Variants in TENM1 observed in about 807,000 individuals in gnomAD.
TENM1 encodes teneurin-1.
Under a neutral mutation model 174.8 loss-of-function variants are expected in TENM1, and 35 were observed. The observed-to-expected ratio is 0.20, with a 90% CI of 0.15 to 0.27. TENM1 has a LOEUF of 0.27. Among genes scored for constraint, TENM1 ranks in the 10% least tolerant of loss-of-function variants. TENM1 has a pLI of 1.00. For synonymous variants in TENM1, 781 were observed against 798.7 expected, an observed-to-expected ratio of 0.98 and a Z score of 0.37; for missense variants, 1,633 against 2,130.1, an observed-to-expected ratio of 0.77 and a Z score of 4.59.
At chrX:124,820,048 A>G (rs1334141573) in intron 3 of TENM1, among the ~76,000 whole-genome samples, 1 of 110,465 alleles carries the variant, frequency 9.1e-6, no homozygotes, top group Non-Finnish European at 1.9e-5. Context: ...CGGCCTCCCA[A>G]AGCGCTGGGT....
At chrX:125,144,592 C>A in the TENM1 span, among the ~76,000 whole-genome samples, 4 of 111,754 alleles carry the variant, frequency 3.6e-5, no homozygotes, top group African/African-American at 1.3e-4. Flanking sequence ...CCATAATGAA[C>A]CAACCAAGTT....
chrX:124,874,635 T>G (rs1455885118), intron 3 of TENM1, among the ~76,000 whole-genome samples: 1 of 111,040 alleles, frequency 9.0e-6, no homozygotes, highest in East Asian at 2.8e-4. Flanking sequence ...ACTTTAAGGT[T>G]GGAAGAAATT....
intron 27 of TENM1, among the ~76,000 whole-genome samples, chrX:124,403,242 C>T (rs1444915217): frequency 9.0e-6 from 1 of 110,577 alleles, no homozygotes; most frequent in African/African-American, 3.3e-5. Context: ...GAGCACTGGC[C>T]GGGCACGGTG....
intron 22 of TENM1, among the ~76,000 whole-genome samples, chrX:124,478,128 A>C (rs375488821): frequency 9.8e-5 from 11 of 112,497 alleles, no homozygotes; most frequent in African/African-American, 3.2e-4. Context: ...TTCAGTTTAC[A>C]ACTGAAGAAT....
chrX:124,608,788 T>C (rs960748596), intron 11 of TENM1, among the ~76,000 whole-genome samples: 4 of 109,949 alleles, frequency 3.6e-5, no homozygotes, highest in Admixed American at 1.9e-4. Flanking sequence ...AAGCTTTTTT[T>C]TTTTTTTTCA....
chrX:124,438,576 A>G (rs2060869845), intron 23 of TENM1, among the ~76,000 whole-genome samples: 1 of 111,850 alleles, frequency 8.9e-6, no homozygotes, highest in South Asian at 3.7e-4. Flanking sequence ...CTTTGTGTGG[A>G]AAGAGGACAC....
chrX:124,622,636 C>A (rs958877506), intron 11 of TENM1, among the ~76,000 whole-genome samples: 4 of 111,264 alleles, frequency 3.6e-5, no homozygotes, highest in African/African-American at 1.3e-4. Flanking sequence ...TTTTTGATTG[C>A]TATATAATGG....
chrX:125,169,538 T>C, the TENM1 span, among the ~76,000 whole-genome samples: 1 of 111,690 alleles, frequency 9.0e-6, no homozygotes, highest in Admixed American at 9.5e-5. Flanking sequence ...AGTTTATATC[T>C]GACCATCAGA....
intron 25 of TENM1, among the ~76,000 whole-genome samples, chrX:124,413,982 G>T (rs2060565702): frequency 8.9e-6 from 1 of 112,190 alleles, no homozygotes. Flanking sequence ...TTATAAGGGA[G>T]AAGGGGGAAT....
intron 11 of TENM1, among the ~76,000 whole-genome samples, chrX:124,608,417 C>T (rs1463631075): frequency 9.0e-6 from 1 of 111,282 alleles, no homozygotes; most frequent in Non-Finnish European, 1.9e-5. Flanking sequence ...GATGCCTTAC[C>T]ATCGCTCCAA....
the TENM1 span, among the ~76,000 whole-genome samples, chrX:124,992,954 C>A: frequency 9.0e-6 from 1 of 110,638 alleles, no homozygotes; most frequent in Non-Finnish European, 1.9e-5. Flanking sequence ...AGAGGGCCAA[C>A]GAGAAAGCTC....
At chrX:125,010,935 C>T in the TENM1 span, among the ~76,000 whole-genome samples, 1 of 111,041 alleles carries the variant, frequency 9.0e-6, no homozygotes, top group African/African-American at 3.3e-5. Flanking sequence ...TCAAATTATA[C>T]TACAAGGTTA....
intron 13 of TENM1, 58 bp from the exon 17 acceptor site, chrX:124,561,875 A>C: frequency 8.9e-7 from 1 of 1,122,370 alleles, no homozygotes; most frequent in Non-Finnish European, 1.2e-6. Flanking sequence ...TTGGCCAACA[A>C]TGATGTATTT....
At chrX:124,772,682 AT>A (rs914952781) in intron 3 of TENM1, among the ~76,000 whole-genome samples, 2 of 111,823 alleles carry the variant, frequency 1.8e-5, no homozygotes, top group African/African-American at 3.3e-5. Flanking sequence ...TATACTACAA[AT>A]TTTTTTCTGT....
At chrX:125,045,408 A>C in the TENM1 span, among the ~76,000 whole-genome samples, 1 of 111,563 alleles carries the variant, frequency 9.0e-6, no homozygotes, top group African/African-American at 3.3e-5. Context: ...TATTCTATTT[A>C]ATTCCAAAAG....
At chrX:124,568,367 G>A (rs2048985323) in intron 11 of TENM1, among the ~76,000 whole-genome samples, 1 of 111,574 alleles carries the variant, frequency 9.0e-6, no homozygotes, top group African/African-American at 3.3e-5. Context: ...AAGATGGTGA[G>A]TAATAAACTG....
At chrX:124,725,229 G>C (rs145091221) in intron 4 of TENM1, among the ~76,000 whole-genome samples, 351 of 110,749 alleles carry the variant, frequency 3.2e-3, no homozygotes, top group African/African-American at 0.011. Context: ...AATGTTTTAG[G>C]GGAAAGGCTC....
At chrX:124,632,141 G>C (rs1348178803) in intron 11 of TENM1, among the ~76,000 whole-genome samples, 1 of 108,834 alleles carries the variant, frequency 9.2e-6, no homozygotes, top group Non-Finnish European at 1.9e-5. Flanking sequence ...TCAAACTCCT[G>C]ACCTCATGAT....
the TENM1 span, among the ~76,000 whole-genome samples, chrX:125,144,909 A>AT: frequency 9.1e-6 from 1 of 109,333 alleles, no homozygotes; most frequent in Middle Eastern, 4.7e-3. Context: ...CGCCCAGTTA[A>AT]TTTTTTGTAT....
Sources: allele counts gnomAD v4.1 joint callset (sites outside exome capture counted in the v4.1 genomes callset), GRCh38; gene constraint gnomAD v4.1.1; transcripts MANE v1.5; gene names NCBI Gene and HGNC (gene_info 2026-07-23, HGNC 2026-07-21).